Variants in DOCK8 observed in about 807,000 individuals in gnomAD.
The protein encoded by DOCK8 is dedicator of cytokinesis 8.
DOCK8 carries 141 observed loss-of-function variants against 245.6 expected under a neutral mutation model. The ratio of observed to expected loss-of-function variants is 0.57; its 90% CI spans 0.50 to 0.66. The LOEUF (loss-of-function observed/expected upper bound fraction) is 0.66, where lower values mean the gene tolerates loss of function less well. Ranked by LOEUF, DOCK8 falls within the 30% of genes least tolerant of loss-of-function variation. DOCK8 has a pLI of 0.00. For missense variants in DOCK8, 2,965 were observed against 2,603.4 expected (o/e 1.14, Z -3.02); for synonymous variants, 1,168 against 970.2 (o/e 1.20, Z -3.79).
upstream of DOCK8, chr9:214,488 A>C: frequency 1.9e-6 from 3 of 1,608,848 alleles, no homozygotes; most frequent in Non-Finnish European, 1.7e-6. Flanking sequence ...GAATGGTGTC[A>C]ACCCTTAATA....
rs181238348 is a variant in DOCK8 at position 444,078 on chromosome 9, C to T, written c.5580+562C>T. Among the ~76,000 whole-genome samples, 92 of 152,202 alleles carry T rather than the reference C, an allele frequency of 6.0e-4. No individual in the cohort carries two copies. In the East Asian group the frequency reaches 0.017, roughly 28 times the overall value. On this transcript the variant is annotated intron_variant, in intron 43 of 47. Transcript: ENST00000432829. ...TGTGCTGTTGGGGGAATGGTAAAAA[C>T]GGCTTGGGTTTGGGTTTCCTCACTT...
At chr9:267,931 T>C (rs1221243025) in intron 1 of DOCK8, 1 of 152,210 alleles carries the variant, frequency 6.6e-6, no homozygotes, top group Non-Finnish European at 1.5e-5. Flanking sequence ...CAAAGCGAGA[T>C]AGTTAGATAA....
At chr9:399,917 A>ACT (rs1275492547) in intron 26 of DOCK8, among the ~76,000 whole-genome samples, 1 of 151,158 alleles carries the variant, frequency 6.6e-6, no homozygotes, top group Non-Finnish European at 1.5e-5. Context: ...TACTGCTACT[A>ACT]CTACCACCAG....
chr9:326,530 A>G (rs1274182821), intron 8 of DOCK8, among the ~76,000 whole-genome samples: 1 of 152,214 alleles, frequency 6.6e-6, no homozygotes, highest in African/African-American at 2.4e-5. Context: ...GTGGGGCCTG[A>G]GAATTTGCAT....
chr9:359,171 C>G lies in DOCK8; in HGVS notation c.1680-8847C>G, dbSNP rs550441516. The stretch of plus-strand genomic sequence containing the variant: ...CTTTGAGTAGTAAAATTTTAGCTCA[C>G]TCAGAAAAACCTCATAGTTTATTTG... On this transcript the variant is annotated intron_variant, in intron 14 of 47. Transcript: ENST00000432829. Among the ~76,000 whole-genome samples, 12 of 152,314 alleles carry G rather than the reference C, an allele frequency of 7.9e-5. No individual in the cohort carries two copies. The South Asian group carries it at 1.9e-3, about 24-fold the overall frequency.
intron 2 of DOCK8, among the ~76,000 whole-genome samples, chr9:274,892 C>G (rs185844969): frequency 4.7e-4 from 72 of 152,332 alleles, no homozygotes; most frequent in Non-Finnish European, 7.6e-4. Flanking sequence ...TTTACAACCA[C>G]CATTTCAATG....
chr9:450,870 A>G (rs192830029), intron 45 of DOCK8, among the ~76,000 whole-genome samples: 1 of 151,452 alleles, frequency 6.6e-6, no homozygotes, highest in East Asian at 1.9e-4. Context: ...GATGTTTGCC[A>G]TGAAGGCAAC....
At chr9:428,548 T>C in intron 35 of DOCK8, 52 bp downstream of exon 35, 1 of 1,605,798 alleles carries the variant, frequency 6.2e-7, no homozygotes, top group South Asian at 1.1e-5. Context: ...AAGATTCTCA[T>C]CTAGCTTCAT....
At chr9:443,557 T>C (rs755885347) in intron 43 of DOCK8, 41 bp downstream of exon 43, 1 of 1,492,234 alleles carries the variant, frequency 6.7e-7, no homozygotes, top group South Asian at 1.1e-5. Context: ...AAGCTCTAAA[T>C]CCCTTCGTTC....
intron 9 of DOCK8, among the ~76,000 whole-genome samples, chr9:328,724 C>CTT (rs138574471): frequency 6.9e-6 from 1 of 145,730 alleles, no homozygotes. Flanking sequence ...TTTCATCCTC[C>CTT]TTTTTTTTTT....
chr9:386,556 C>T lies in DOCK8; in HGVS notation c.2874+130C>T, dbSNP rs7862253. 18,711 of 757,432 alleles carry T rather than the reference C, an allele frequency of 0.025. 2,388 individuals carry two copies. The African/African-American group carries it at 0.28, about 11-fold the overall frequency. The allele number at this position is 757,432 out of a possible 1,614,324, so 46.9% of individuals were successfully genotyped here. On this transcript the variant is annotated intron_variant, in intron 23 of 47. Transcript: ENST00000432829. Reference sequence around the variant, plus strand: ...CCCTGATGTGCTAACACACACACACCCCACACACACTTTTGCAGCCCTGTC... The same window carrying T: ...CCCTGATGTGCTAACACACACACACTCCACACACACTTTTGCAGCCCTGTC...
chr9:332,284 G>T, intron 9 of DOCK8, 114 bp from the exon 10 acceptor site: 1 of 722,622 alleles, frequency 1.4e-6, no homozygotes. Flanking sequence ...ATGTATCACA[G>T]ATAGCTTCCT....
intron 15 of DOCK8, chr9:368,371 A>G: frequency 1.4e-6 from 1 of 700,618 alleles, no homozygotes; most frequent in East Asian, 2.7e-5. Flanking sequence ...ATCATTTTAG[A>G]GGATTAAAAA....
intron 46 of DOCK8, 99 bp from the exon 47 acceptor site, chr9:463,417 TC>T: frequency 6.8e-7 from 1 of 1,476,760 alleles, no homozygotes; most frequent in Non-Finnish European, 9.4e-7. Context: ...TTGAAAACGT[TC>T]TTAAAGTTAT....
chr9:461,306 T>G (rs1420724779), intron 46 of DOCK8, among the ~76,000 whole-genome samples: 4 of 152,204 alleles, frequency 2.6e-5, no homozygotes, highest in Admixed American at 2.6e-4. Flanking sequence ...CTTTAAATAT[T>G]GTCTCCCTCT....
chr9:224,016 G>C (rs1326032209), intron 1 of DOCK8, among the ~76,000 whole-genome samples: 1 of 152,120 alleles, frequency 6.6e-6, no homozygotes, highest in Non-Finnish European at 1.5e-5. Context: ...ATAACATATA[G>C]CCGTGAAATA....
At chr9:284,461 C>T (rs924787034) in intron 2 of DOCK8, 2 of 152,228 alleles carry the variant, frequency 1.3e-5, no homozygotes, top group African/African-American at 4.8e-5. Flanking sequence ...TGTCCCTTCT[C>T]ATAGCACCTG....
Position 400,112 on chromosome 9 carries a change from C to CCAT in DOCK8, c.3234+855_3234+856insTCA, listed in dbSNP as rs1435028771. Among the ~76,000 whole-genome samples the CCAT allele has an allele frequency of 2.0e-3, 203 of 102,620 alleles. 21 individuals carry two copies. The highest frequency in any genetic ancestry group is 2.6e-3 in the Non-Finnish European group (141 of 54,742). 67.3% of individuals were successfully genotyped at this position (102,620 alleles called of 152,430 possible). A position where few individuals can be genotyped will look rare whatever the true frequency, so the allele number is the denominator to read the frequency against. On this transcript the variant is annotated intron_variant, in intron 26 of 47. Coordinates refer to ENST00000432829, the MANE Select transcript of DOCK8 (RefSeq NM_203447.4). Reference sequence around the variant, plus strand: ...TCCACCATCACCACCACCACCTCCACCACCACCAGCATCTTCACCATCACC... The same window carrying CCAT: ...TCCACCATCACCACCACCACCTCCACCATCACCACCAGCATCTTCACCATCACC...
intron 29 of DOCK8, among the ~76,000 whole-genome samples, chr9:415,543 A>G (rs1449469763): frequency 6.6e-6 from 1 of 152,210 alleles, no homozygotes; most frequent in Non-Finnish European, 1.5e-5. Context: ...AAACCCCAGA[A>G]TCTATTTACA....
Sources: allele counts gnomAD v4.1 joint callset (sites outside exome capture counted in the v4.1 genomes callset), GRCh38; gene constraint gnomAD v4.1.1; transcripts MANE v1.5; gene names NCBI Gene and HGNC (gene_info 2026-07-23, HGNC 2026-07-21).